ERAP2: variants seen among roughly 807,000 people sequenced by gnomAD.
ERAP2 encodes endoplasmic reticulum aminopeptidase 2, also known as leukocyte-derived arginine aminopeptidase.
In ERAP2, 118 loss-of-function variants were observed where a neutral mutation model predicts 111.1. The observed-to-expected ratio is 1.06, with a 90% confidence interval of 0.92 to 1.24. The LOEUF (loss-of-function observed/expected upper bound fraction) is 1.24, where lower values mean the gene tolerates loss of function less well. Among genes scored for constraint, ERAP2 ranks in the 50% most tolerant of loss-of-function variants. The probability of loss-of-function intolerance (pLI) is 0.00; values close to 1 mark genes in which losing one functional copy is unlikely to be tolerated. For synonymous variants in ERAP2, 410 were observed against 401.2 expected (o/e 1.02, Z -0.26); for missense variants, 1,131 against 1,125.8 (o/e 1.00, Z -0.07).
intron 6 of ERAP2, among the ~76,000 whole-genome samples, chr5:96,894,267 C>A (rs1488727362): frequency 6.6e-6 from 1 of 152,162 alleles, no homozygotes; most frequent in Non-Finnish European, 1.5e-5. Flanking sequence ...TTCTTATATT[C>A]ACCGGTTTTC....
At position 96,879,670 on chromosome 5, in the gene ERAP2, C is replaced by T; in HGVS notation, c.-16C>T. 6.2e-7 allele frequency: 1 copy of T among 1,607,770 alleles called. No individual in the cohort carries two copies. Among genetic ancestry groups the T allele is most frequent in the Non-Finnish European group, 8.5e-7 (1 of 1,174,690 alleles). On this transcript the variant is annotated 5_prime_UTR_variant, in exon 2 of 19. Coordinates refer to ENST00000437043, the MANE Select transcript of ERAP2 (RefSeq NM_022350.5). ...ATTAGCCTGGATATTAACTTGTCTT[C>T]TAGAGAATAGATTTCATGTTCCATT... is the stretch of plus-strand genomic sequence containing the variant.
In ERAP2 at chr5:96,895,290, G is replaced by A. The variant is rs1365919723; in HGVS notation, c.1170G>A (p.Trp390Ter). ...LVTMEWWNDI[W>*]LKEGFAKYME... ...CAATGGAATGGTGGAATGATATTTGGCTTAAGGAGGGTTTTGCAAAATACA... is the reference window on the plus strand; with the variant it reads ...CAATGGAATGGTGGAATGATATTTGACTTAAGGAGGGTTTTGCAAAATACA... The change falls in exon 7 of 19, where the codon TGG (tryptophan) becomes TGA (stop). Residue 390 changes from tryptophan (W) to a stop codon, truncating the protein, a stop_gained. Transcript: ENST00000437043. LOFTEE classifies it high-confidence loss of function. The A allele has an allele frequency of 6.2e-7, 1 of 1,612,948 alleles. No individual in the cohort carries two copies.
intron 3 of ERAP2, among the ~76,000 whole-genome samples, chr5:96,884,388 C>G (rs943942726): frequency 6.6e-6 from 1 of 152,178 alleles, no homozygotes; most frequent in Non-Finnish European, 1.5e-5. Context: ...GCTGACGGTC[C>G]AGAGACCCCT....
Position 96,917,905 on chromosome 5 carries a change from CAAA to C in ERAP2, c.*321_*323del, listed in dbSNP as rs36015159. 4 of 50,264 alleles carry C rather than the reference CAAA, an allele frequency of 8.0e-5. No individual in the cohort carries two copies. The highest frequency in any genetic ancestry group is 1.5e-4 in the African/African-American group (2 of 13,198). 3.1% of individuals were successfully genotyped at this position (50,264 alleles called of 1,614,324 possible). ...TGGGTGACTGAGCGAGACTCTGTCTCAAAAAAAAAAAAAAAAAAAAAAAGAAAA... is the reference window on the plus strand; with the variant it reads ...TGGGTGACTGAGCGAGACTCTGTCTCAAAAAAAAAAAAAAAAAAAAGAAAA... On this transcript the variant is annotated 3_prime_UTR_variant, in exon 19 of 19. Transcript: ENST00000437043.
intron 3 of ERAP2, among the ~76,000 whole-genome samples, chr5:96,886,104 C>G (rs1281526192): frequency 6.6e-6 from 1 of 152,222 alleles, no homozygotes; most frequent in African/African-American, 2.4e-5. Flanking sequence ...GTGGAACTAG[C>G]CATGTGATCT....
chr5:96,882,081 TC>T (rs1267123384), intron 2 of ERAP2, among the ~76,000 whole-genome samples: 5 of 152,178 alleles, frequency 3.3e-5, no homozygotes, highest in Admixed American at 1.3e-4. Flanking sequence ...GGACAACTCT[TC>T]CCCAGGCTCC....
At chr5:96,891,178 T>C (rs1784307288) in intron 5 of ERAP2, among the ~76,000 whole-genome samples, 1 of 152,124 alleles carries the variant, frequency 6.6e-6, no homozygotes, top group Non-Finnish European at 1.5e-5. Flanking sequence ...ATAAGCCAAG[T>C]GACTTGGTTC....
rs748432377 is a variant in ERAP2, at chr5:96,909,585, CCTT to C, written c.2180_2182del (p.Leu727del). ...CCATCTCATATTTTCTGCAGCGTTACCTTCTTCAGTATTTTAAGCCAGTGATTG... is the reference window on the plus strand; with the variant it reads ...CCATCTCATATTTTCTGCAGCGTTACCTTCAGTATTTTAAGCCAGTGATTG... On this transcript the variant is annotated inframe_deletion, in exon 15 of 19. Transcript: ENST00000437043. 72 of 1,613,528 alleles carry C rather than the reference CCTT, an allele frequency of 4.5e-5. No homozygotes were observed. In the African/African-American group the frequency reaches 7.2e-4, roughly 16 times the overall value.
intron 13 of ERAP2, among the ~76,000 whole-genome samples, chr5:96,903,805 CT>C (rs1274819283): frequency 6.6e-6 from 1 of 152,146 alleles, no homozygotes; most frequent in Non-Finnish European, 1.5e-5. Context: ...CCTCTGGAAT[CT>C]CTTAAAAATG....
intron 5 of ERAP2, among the ~76,000 whole-genome samples, chr5:96,890,139 A>G (rs867412940): frequency 6.6e-6 from 1 of 152,198 alleles, no homozygotes; most frequent in African/African-American, 2.4e-5. Context: ...TTTCTATCTT[A>G]AAAAATAAAA....
intron 15 of ERAP2, among the ~76,000 whole-genome samples, chr5:96,910,897 A>T (rs2548524): frequency 0.54 from 82,397 of 152,066 alleles, 22,393 homozygotes; most frequent in Admixed American, 0.59. Context: ...AAGGATAAAG[A>T]GGTGAACAAA....
At chr5:96,884,034 TTATC>T (rs59325486) in intron 3 of ERAP2, 104 bp downstream of exon 3, 105,108 of 602,174 alleles carry the variant, frequency 0.17, 12,028 homozygotes, top group African/African-American at 0.33. Context: ...TAATTTGTTT[TTATC>T]TATCTATCTA....
chr5:96,886,702 A>G lies in ERAP2; in HGVS notation c.762A>G (p.Glu254=), dbSNP rs1186752037. The stretch of plus-strand genomic sequence containing the variant: ...GAGGTCTTTTGGAAGATCACTTTGA[A>G]ACTACTGTAAAAATGAGTACATACC... The part of the protein sequence containing the change: ...LEGGLLEDHF[E]TTVKMSTYLV... The change falls in exon 4 of 19, where the codon GAA becomes GAG. Residue 254 remains glutamate (E), a synonymous_variant. Transcript: ENST00000437043. The G allele has an allele frequency of 6.4e-7, 1 of 1,552,574 alleles. No homozygotes were observed. The highest frequency in any genetic ancestry group is 1.2e-5 in the South Asian group (1 of 83,040).
chr5:96,895,494 C>T (rs547480897), intron 7 of ERAP2, 135 bp downstream of exon 7: 1 of 670,512 alleles, frequency 1.5e-6, no homozygotes, highest in Non-Finnish European at 2.6e-6. Flanking sequence ...TTGTTTGATA[C>T]ACGAAACAGA....
At chr5:96,898,433 T>A (rs980199279) in intron 9 of ERAP2, among the ~76,000 whole-genome samples, 5 of 151,928 alleles carry the variant, frequency 3.3e-5, no homozygotes, top group African/African-American at 1.2e-4. Context: ...TTCAAATACA[T>A]AGTTTTTACT....
At chr5:96,887,117 A>G (rs1219685679) in intron 4 of ERAP2, among the ~76,000 whole-genome samples, 1 of 149,614 alleles carries the variant, frequency 6.7e-6, no homozygotes. Context: ...ACACACACAC[A>G]CACACACACA....
chr5:96,912,188 C>CAAAAAAAAAAA, intron 15 of ERAP2, among the ~76,000 whole-genome samples: 1 of 84,246 alleles, frequency 1.2e-5, no homozygotes, highest in Non-Finnish European at 2.4e-5. Flanking sequence ...GACTCCACCT[C>CAAAAAAAAAAA]AAAAAAAAAA....
At chr5:96,895,849 A>G (rs1222777843) in intron 7 of ERAP2, among the ~76,000 whole-genome samples, 1 of 152,186 alleles carries the variant, frequency 6.6e-6, no homozygotes, top group Non-Finnish European at 1.5e-5. Flanking sequence ...ACAAATTTGC[A>G]TATCAAGGTG....
chr5:96,887,578 G>T (rs1173226399), intron 4 of ERAP2, among the ~76,000 whole-genome samples: 4 of 152,114 alleles, frequency 2.6e-5, no homozygotes, highest in African/African-American at 9.7e-5. Context: ...GGGATTACAG[G>T]CGTGAGCCAC....
Sources: allele counts gnomAD v4.1 joint callset (sites outside exome capture counted in the v4.1 genomes callset), GRCh38; gene constraint gnomAD v4.1.1; transcripts MANE v1.5; gene names NCBI Gene and HGNC (gene_info 2026-07-23, HGNC 2026-07-21).